Variants in NUMB observed in about 807,000 individuals in gnomAD.
The protein encoded by NUMB is protein numb homolog.
A neutral mutation model predicts 59.7 loss-of-function variants in NUMB; 29 were observed. The ratio of observed to expected loss-of-function variants is 0.49; its 90% confidence interval spans 0.36 to 0.66. The LOEUF is 0.66. Ranked by LOEUF, NUMB falls within the 30% of genes least tolerant of loss-of-function variation. NUMB has a pLI of 0.00. For missense variants in NUMB, 723 were observed against 822.0 expected (o/e 0.88, Z 1.47); for synonymous variants, 288 against 288.2 (o/e 1.00, Z 0.01).
At chr14:73,339,105 G>T (rs1343438551) in intron 4 of NUMB, among the ~76,000 whole-genome samples, 2 of 152,100 alleles carry the variant, frequency 1.3e-5, no homozygotes, top group African/African-American at 2.4e-5. Flanking sequence ...TTCTAGTATT[G>T]TTAGGGCCAT....
intron 2 of NUMB, among the ~76,000 whole-genome samples, chr14:73,386,023 A>C (rs976585751): frequency 3.3e-5 from 5 of 152,180 alleles, no homozygotes; most frequent in African/African-American, 1.2e-4. Flanking sequence ...CTTTTCTAGA[A>C]TATTACCATG....
intron 1 of NUMB, among the ~76,000 whole-genome samples, chr14:73,419,908 C>G (rs1897288470): frequency 6.6e-6 from 1 of 152,194 alleles, no homozygotes. Context: ...CCCTGTCGCC[C>G]AGAATGGAGT....
intron 2 of NUMB, among the ~76,000 whole-genome samples, chr14:73,369,044 C>CTT (rs66895849): frequency 7.5e-6 from 1 of 133,854 alleles, no homozygotes; most frequent in Non-Finnish European, 1.6e-5. Context: ...AGAACATTTT[C>CTT]TTTTTTTTTT....
intron 12 of NUMB, 147 bp from the exon 13 acceptor site, chr14:73,277,440 C>T (rs1043745501): frequency 1.5e-6 from 1 of 654,238 alleles, no homozygotes; most frequent in Non-Finnish European, 2.6e-6. Flanking sequence ...GGAGTAAAGT[C>T]TCTATTACCA....
chr14:73,316,011 C>G (rs943481163), intron 6 of NUMB, among the ~76,000 whole-genome samples: 3 of 152,040 alleles, frequency 2.0e-5, no homozygotes, highest in African/African-American at 7.2e-5. Context: ...CTCAGCCTCC[C>G]GAGTAGCTGG....
chr14:73,430,941 T>A (rs1897800712), intron 1 of NUMB, among the ~76,000 whole-genome samples: 1 of 150,290 alleles, frequency 6.7e-6, no homozygotes, highest in Admixed American at 6.6e-5. Context: ...CCAGACTCCA[T>A]CTCAAAAAAA....
At chr14:73,423,156 G>A (rs576056265) in intron 1 of NUMB, among the ~76,000 whole-genome samples, 2 of 152,100 alleles carry the variant, frequency 1.3e-5, no homozygotes, top group East Asian at 1.9e-4. Context: ...CAAATATCCA[G>A]TATGGCAATA....
chr14:73,315,804 G>C (rs979863784), intron 6 of NUMB, among the ~76,000 whole-genome samples: 3 of 151,962 alleles, frequency 2.0e-5, no homozygotes, highest in Non-Finnish European at 4.4e-5. Context: ...ATATAAACAG[G>C]GTTTACAAGA....
intron 1 of NUMB, among the ~76,000 whole-genome samples, chr14:73,416,886 A>G (rs1897147566): frequency 6.6e-6 from 1 of 151,728 alleles, no homozygotes; most frequent in Non-Finnish European, 1.5e-5. Flanking sequence ...TTGTGCCTAA[A>G]TGTTGCCTTT....
chr14:73,296,960 G>A (rs1889817656), intron 7 of NUMB, among the ~76,000 whole-genome samples: 1 of 152,184 alleles, frequency 6.6e-6, no homozygotes, highest in South Asian at 2.1e-4. Context: ...CTGAGGTCAG[G>A]AGTTCGAGAC....
chr14:73,425,249 G>A (rs1339360815), intron 1 of NUMB, among the ~76,000 whole-genome samples: 3 of 152,026 alleles, frequency 2.0e-5, no homozygotes, highest in African/African-American at 7.3e-5. Flanking sequence ...TTTCTGGAAA[G>A]CAACTGTAAA....
intron 4 of NUMB, among the ~76,000 whole-genome samples, chr14:73,347,958 A>G (rs1043139332): frequency 1.3e-5 from 2 of 152,194 alleles, no homozygotes; most frequent in African/African-American, 4.8e-5. Flanking sequence ...ATCAAAACTC[A>G]TGGTGTTTTC....
chr14:73,318,490 G>A (rs1026977159), intron 5 of NUMB, among the ~76,000 whole-genome samples: 6 of 152,172 alleles, frequency 3.9e-5, no homozygotes, highest in Admixed American at 2.0e-4. Flanking sequence ...CTAAGACAGA[G>A]GGAGAGACAT....
intron 4 of NUMB, among the ~76,000 whole-genome samples, chr14:73,326,231 T>C (rs1348056036): frequency 6.6e-6 from 1 of 152,166 alleles, no homozygotes; most frequent in Non-Finnish European, 1.5e-5. Flanking sequence ...TGAACTAATA[T>C]ACAGACCACC....
In NUMB at chr14:73,282,493, T is replaced by A. The variant is rs374074075; in HGVS notation, c.962A>T (p.Glu321Val). 2.6e-4 allele frequency: 420 copies of A among 1,613,340 alleles called. No individual in the cohort carries two copies. Among genetic ancestry groups the A allele is most frequent in the Non-Finnish European group, 3.3e-4 (394 of 1,179,770 alleles). Residue 321 changes from glutamate (E) to valine (V), a missense_variant, in exon 11 of 13, where the codon GAA becomes GTA. This residue lies in a region of NUMB where 317 missense variants were observed against 436.6 expected (regional missense o/e 0.73). Transcript: ENST00000555238. ...GGAGCTGATGCTCTCTGCCTCCCCT[T>A]CTACTTCTGGCACTGCAAGGCAAAC... ...FPIKNAVPEV[E>V]GEAESISSLC...
intron 2 of NUMB, among the ~76,000 whole-genome samples, chr14:73,392,828 G>C (rs758774429): frequency 6.6e-6 from 1 of 151,384 alleles, no homozygotes; most frequent in Non-Finnish European, 1.5e-5. Flanking sequence ...ACCAAAGCTA[G>C]GAAAACTGAG....
intron 6 of NUMB, among the ~76,000 whole-genome samples, chr14:73,315,348 T>C (rs533677179): frequency 6.6e-6 from 1 of 152,286 alleles, no homozygotes; most frequent in Admixed American, 6.5e-5. Flanking sequence ...TCTCATACTG[T>C]CTCAGTCTGA....
intron 2 of NUMB, among the ~76,000 whole-genome samples, chr14:73,398,116 C>T (rs1224304495): frequency 6.6e-6 from 1 of 152,102 alleles, no homozygotes; most frequent in East Asian, 1.9e-4. Flanking sequence ...GGAATATAAT[C>T]CCACTAGCTT....
In NUMB at chr14:73,279,530, A is replaced by G. The variant is rs531333418; in HGVS notation, c.1097-106T>C. On this transcript the variant is annotated intron_variant, in intron 11 of 12. Coordinates refer to ENST00000555238, the MANE Select transcript of NUMB (RefSeq NM_001005743.2). ...TGAATGTACAATACTGGTGGAATGG[A>G]TAAGAGAGAAGAGTTGATGTTTGGG... is the stretch of plus-strand genomic sequence containing the variant. 11 of 1,068,072 alleles carry G rather than the reference A, an allele frequency of 1.0e-5. No individual in the cohort carries two copies. In the East Asian group the frequency reaches 3.0e-4, roughly 29 times the overall value. 66.2% of individuals were successfully genotyped at this position (1,068,072 alleles called of 1,614,324 possible).
Sources: allele counts gnomAD v4.1 joint callset (sites outside exome capture counted in the v4.1 genomes callset), GRCh38; gene constraint gnomAD v4.1.1; regional missense constraint gnomAD v4.1.1; transcripts MANE v1.5; gene names NCBI Gene and HGNC (gene_info 2026-07-23, HGNC 2026-07-21).